Variants in PCDHA13 observed in about 807,000 individuals in gnomAD.
The protein encoded by PCDHA13 is protocadherin alpha 13.
A neutral mutation model predicts 64.8 loss-of-function variants in PCDHA13; 54 were observed. That is an observed-to-expected ratio of 0.83 (90% CI 0.67 to 1.04). The LOEUF is 1.04. Ranked by LOEUF, PCDHA13 falls within the 50% of genes least tolerant of loss-of-function variation. PCDHA13 has a pLI of 0.00. For synonymous variants in PCDHA13, 587 were observed against 564.4 expected, an observed-to-expected ratio of 1.04 and a Z score of -0.57; for missense variants, 1,248 against 1,254.3, an observed-to-expected ratio of 0.99 and a Z score of 0.08.
At chr5:140,991,754 G>A (rs1554252407) in intron 3 of PCDHA13, among the ~76,000 whole-genome samples, 2 of 152,034 alleles carry the variant, frequency 1.3e-5, no homozygotes, top group African/African-American at 4.8e-5. Context: ...TTTCTATCAT[G>A]CTCTTCAAAA....
chr5:140,969,286 T>C (rs2096315830), intron 1 of PCDHA13: 3 of 1,614,076 alleles, frequency 1.9e-6, no homozygotes, highest in Admixed American at 1.7e-5. Flanking sequence ...GTCAGAATGC[T>C]GGGAACCTGA....
intron 1 of PCDHA13, among the ~76,000 whole-genome samples, chr5:140,916,660 T>A (rs2077673786): frequency 6.6e-6 from 1 of 152,172 alleles, no homozygotes; most frequent in African/African-American, 2.4e-5. Flanking sequence ...GTATCCAAGA[T>A]GCAAGACAAA....
chr5:140,936,000 C>G (rs370629183), intron 1 of PCDHA13, among the ~76,000 whole-genome samples: 1 of 150,536 alleles, frequency 6.6e-6, no homozygotes, highest in African/African-American at 2.4e-5. Flanking sequence ...TCAAGCGATT[C>G]TCCCACCTCA....
chr5:141,005,990 A>G (rs1375805001), intron 3 of PCDHA13, among the ~76,000 whole-genome samples: 6 of 151,998 alleles, frequency 3.9e-5, no homozygotes, highest in Admixed American at 3.9e-4. Flanking sequence ...GTGTTTGAGG[A>G]TCTGAAAGAA....
chr5:140,910,371 A>G (rs2153514600), intron 1 of PCDHA13, among the ~76,000 whole-genome samples: 1 of 152,246 alleles, frequency 6.6e-6, no homozygotes, highest in South Asian at 2.1e-4. Flanking sequence ...AGCTATGCCC[A>G]CCTTGCCTTT....
chr5:140,915,363 G>C (rs1554196864), intron 1 of PCDHA13, among the ~76,000 whole-genome samples: 1 of 152,136 alleles, frequency 6.6e-6, no homozygotes, highest in Non-Finnish European at 1.5e-5. Context: ...ATTCTTACCA[G>C]TAAGTGTCTC....
intron 1 of PCDHA13, chr5:140,927,156 G>A (rs1261418178): frequency 6.2e-7 from 1 of 1,614,016 alleles, no homozygotes; most frequent in African/African-American, 1.3e-5. Flanking sequence ...AGCTGTGCAG[G>A]GCCAAAGCTG....
chr5:140,938,385 A>G (rs952402645), intron 1 of PCDHA13, among the ~76,000 whole-genome samples: 8 of 152,202 alleles, frequency 5.3e-5, no homozygotes, highest in Admixed American at 2.6e-4. Flanking sequence ...TAAATATTTA[A>G]TATGAAATAC....
chr5:140,983,378 G>A (rs782292944), intron 3 of PCDHA13, among the ~76,000 whole-genome samples: 1 of 152,162 alleles, frequency 6.6e-6, no homozygotes, highest in Non-Finnish European at 1.5e-5. Flanking sequence ...GAGGCCCATC[G>A]CTGTGGCAGT....
intron 1 of PCDHA13, among the ~76,000 whole-genome samples, chr5:140,950,490 C>A (rs2153689793): frequency 6.6e-6 from 1 of 152,114 alleles, no homozygotes; most frequent in South Asian, 2.1e-4. Context: ...AGTGTGTAGT[C>A]ATTTAAGTCA....
At chr5:140,965,195 T>C (rs1368041910) in intron 1 of PCDHA13, among the ~76,000 whole-genome samples, 3 of 152,198 alleles carry the variant, frequency 2.0e-5, no homozygotes, top group Admixed American at 6.5e-5. Context: ...CATGAGGCAA[T>C]AGATTTCAAA....
chr5:140,959,060 T>C (rs1201389008), intron 1 of PCDHA13, among the ~76,000 whole-genome samples: 1 of 152,138 alleles, frequency 6.6e-6, no homozygotes, highest in Admixed American at 6.5e-5. Context: ...AAATGCAGTA[T>C]ATATAGAATT....
In PCDHA13 at chr5:141,009,951, A is replaced by G. The variant is rs2303646; in HGVS notation, c.*14A>G. On this transcript the variant is annotated 3_prime_UTR_variant, in exon 4 of 4. Coordinates refer to ENST00000289272, the MANE Select transcript of PCDHA13 (RefSeq NM_018904.3). ...AGTGACCAGTGAGGTCCTCAAATGGAAACAAGCCACTTAGCCAGTTTTTGT... is the reference window on the plus strand; with the variant it reads ...AGTGACCAGTGAGGTCCTCAAATGGGAACAAGCCACTTAGCCAGTTTTTGT... 5,767 of 1,593,458 alleles carry G rather than the reference A, an allele frequency of 3.6e-3. 231 individuals are homozygous for G. In the East Asian group the frequency reaches 0.095, roughly 26 times the overall value.
At chr5:140,979,137 A>G (rs1554240284) in intron 2 of PCDHA13, 130 bp downstream of exon 2, 1 of 1,459,542 alleles carries the variant, frequency 6.9e-7, no homozygotes, top group Non-Finnish European at 9.0e-7. Context: ...GGAAAATGCA[A>G]TTATTTTGTC....
chr5:140,896,750 A>G (rs781993760), intron 1 of PCDHA13, among the ~76,000 whole-genome samples: 3 of 152,114 alleles, frequency 2.0e-5, no homozygotes, highest in Non-Finnish European at 4.4e-5. Flanking sequence ...GATTCTGGAT[A>G]TTAGACCTTT....
chr5:140,923,219 CGTTTGAGCCCAGAA>C (rs6149268), intron 1 of PCDHA13, among the ~76,000 whole-genome samples: 47,935 of 151,966 alleles, frequency 0.32, 7,912 homozygotes, highest in East Asian at 0.52. Context: ...GTGAAAGGAT[CGTTTGAGCCCAGAA>C]GTTTGAGACC....
chr5:140,967,508 C>G (rs2096150874), intron 1 of PCDHA13: 2 of 1,612,712 alleles, frequency 1.2e-6, no homozygotes, highest in Non-Finnish European at 1.7e-6. Flanking sequence ...TGTGCGTGTC[C>G]TGGACACTAA....
intron 1 of PCDHA13, among the ~76,000 whole-genome samples, chr5:140,975,572 C>T (rs1356117545): frequency 6.6e-6 from 1 of 152,202 alleles, no homozygotes; most frequent in African/African-American, 2.4e-5. Context: ...ATATTATATG[C>T]AGTCTCATGT....
At chr5:140,967,718 C>G (rs959323631) in intron 1 of PCDHA13, 1 of 1,613,988 alleles carries the variant, frequency 6.2e-7, no homozygotes, top group Non-Finnish European at 8.5e-7. Flanking sequence ...CGGGGAAGTG[C>G]GAGTAATTGG....
Sources: gnomAD v4.1 joint callset for allele counts (sites outside exome capture counted in the v4.1 genomes callset) on GRCh38, gnomAD v4.1.1 for gene constraint, MANE v1.5 for transcripts, NCBI Gene and HGNC (gene_info 2026-07-23, HGNC 2026-07-21) for gene names.